The following PDE7B variants were observed in gnomAD, a reference collection of about 807,000 sequenced individuals.
PDE7B encodes the protein phosphodiesterase 7B.
Under a neutral mutation model 56.2 loss-of-function variants are expected in PDE7B, and 29 were observed. That is an observed-to-expected ratio of 0.52 (90% CI 0.38 to 0.70). The LOEUF is 0.70. Among genes scored for constraint, PDE7B ranks in the 30% least tolerant of loss-of-function variants. The pLI is 0.00. For synonymous variants in PDE7B, 197 were observed against 196.9 expected, an observed-to-expected ratio of 1.00 and a Z score of 0.00; for missense variants, 490 against 565.0, an observed-to-expected ratio of 0.87 and a Z score of 1.35.
intron 2 of PDE7B, among the ~76,000 whole-genome samples, chr6:135,949,362 T>G (rs1023673335): frequency 6.6e-6 from 1 of 152,084 alleles, no homozygotes; most frequent in African/African-American, 2.4e-5. Flanking sequence ...TAAAGTAAGA[T>G]CAATTATCTT....
At chr6:136,009,609 C>A (rs992153100) in intron 2 of PDE7B, among the ~76,000 whole-genome samples, 2 of 152,104 alleles carry the variant, frequency 1.3e-5, no homozygotes, top group East Asian at 1.9e-4. Context: ...TGTGAATGGG[C>A]ATTCACTCAT....
At chr6:135,855,165 C>T (rs1001776997) in intron 1 of PDE7B, among the ~76,000 whole-genome samples, 6 of 152,134 alleles carry the variant, frequency 3.9e-5, no homozygotes, top group Non-Finnish European at 8.8e-5. Context: ...CTCTAACATC[C>T]ATTTTAGATC....
chr6:135,934,875 A>ATTT (rs2128197619), intron 1 of PDE7B, among the ~76,000 whole-genome samples: 4 of 113,596 alleles, frequency 3.5e-5, no homozygotes, highest in African/African-American at 1.4e-4. Flanking sequence ...AAATATATAT[A>ATTT]AATATTTATT....
intron 1 of PDE7B, among the ~76,000 whole-genome samples, chr6:135,914,322 C>G (rs1776259431): frequency 6.6e-6 from 1 of 151,814 alleles, no homozygotes; most frequent in Non-Finnish European, 1.5e-5. Flanking sequence ...ACATTTCTAT[C>G]ACTTTAGAAA....
chr6:136,076,653 C>T (rs942330205), intron 2 of PDE7B, among the ~76,000 whole-genome samples: 2 of 152,246 alleles, frequency 1.3e-5, no homozygotes, highest in African/African-American at 4.8e-5. Flanking sequence ...CCACCCCACA[C>T]ATCCAATCAG....
chr6:135,897,727 G>A lies in PDE7B; in HGVS notation c.21+45708G>A, dbSNP rs181067775. Among the ~76,000 whole-genome samples the A allele has an allele frequency of 3.8e-3, 579 of 152,300 alleles. 5 individuals carry two copies. Among genetic ancestry groups the A allele is most frequent in the South Asian group, 9.3e-3 (45 of 4,822 alleles). ...CAATTTAGGCACTAAATTTAGTAAT[G>A]CTTCCTGACAAATAAAACAAAGTCA... On this transcript the variant is annotated intron_variant, in intron 1 of 12. Transcript: ENST00000308191.
chr6:135,958,208 G>A (rs1438964305), intron 2 of PDE7B, among the ~76,000 whole-genome samples: 2 of 152,040 alleles, frequency 1.3e-5, no homozygotes, highest in African/African-American at 4.8e-5. Context: ...CTCCAGCCTG[G>A]GTGACAGAGC....
At chr6:136,046,222 A>C (rs1776504214) in intron 2 of PDE7B, 1 of 107,538 alleles carries the variant, frequency 9.3e-6, no homozygotes, top group Admixed American at 9.3e-5. Context: ...TTCAAATATA[A>C]GAAGTGTAAT....
chr6:135,933,681 G>T (rs1774333349), intron 1 of PDE7B, among the ~76,000 whole-genome samples: 2 of 152,052 alleles, frequency 1.3e-5, no homozygotes, highest in Admixed American at 1.3e-4. Context: ...AAATCTCCTA[G>T]TTTGCTAACT....
chr6:135,965,942 T>C (rs987540186), intron 2 of PDE7B, among the ~76,000 whole-genome samples: 8 of 152,168 alleles, frequency 5.3e-5, no homozygotes, highest in Non-Finnish European at 1.2e-4. Flanking sequence ...TTTAAAATAC[T>C]GGATATCTTA....
intron 1 of PDE7B, among the ~76,000 whole-genome samples, chr6:135,864,792 T>TA (rs1775220406): frequency 1.3e-5 from 2 of 152,158 alleles, no homozygotes; most frequent in Non-Finnish European, 2.9e-5. Flanking sequence ...GCCTTTCTTT[T>TA]TTTATTATTA....
chr6:135,943,254 G>T (rs62429920), intron 1 of PDE7B, among the ~76,000 whole-genome samples: 2 of 152,138 alleles, frequency 1.3e-5, no homozygotes, highest in Non-Finnish European at 2.9e-5. Context: ...ATACTGTGAT[G>T]TAGATTATAT....
rs568435553 is a variant in PDE7B at position 136,075,801 on chromosome 6, C to T, written c.83-32930C>T. ...AACAAGTCCTTACAGAACAATGCCT[C>T]AAGAGGAGGTACGGCTAGTCAAGGC... On this transcript the variant is annotated intron_variant, in intron 2 of 12. Transcript: ENST00000308191. Among the ~76,000 whole-genome samples the T allele has an allele frequency of 3.3e-5, 5 of 152,258 alleles. No individual in the cohort carries two copies. In the South Asian group the frequency reaches 1.0e-3, roughly 32 times the overall value.
At chr6:136,008,745 G>C (rs1583825872) in intron 2 of PDE7B, among the ~76,000 whole-genome samples, 1 of 152,138 alleles carries the variant, frequency 6.6e-6, no homozygotes, top group East Asian at 1.9e-4. Context: ...CCCTTTGTCA[G>C]ATGAGTAGAT....
chr6:136,155,748 A>G lies in PDE7B; in HGVS notation c.701A>G (p.Asn234Ser). The change falls in exon 8 of 13, where the codon AAC (asparagine) becomes AGC (serine). Residue 234 changes from asparagine (N) to serine (S), a missense_variant. By Grantham distance (46) the Asn-to-Ser change is conservative (BLOSUM62 1). Transcript: ENST00000308191. ...ATAAAAACTAACCACCATCTTGCAA[A>G]CCTATATCAGGTAAGGGAGCCCAAC... ...FLIKTNHHLA[N>S]LYQNMSVLEN... is the part of the protein sequence containing the mutation. 2 of 1,614,010 alleles carry G rather than the reference A, an allele frequency of 1.2e-6. No homozygotes were observed. Among genetic ancestry groups the G allele is most frequent in the Non-Finnish European group, 8.5e-7 (1 of 1,179,954 alleles).
At chr6:136,093,012 T>C (rs1035824537) in intron 2 of PDE7B, among the ~76,000 whole-genome samples, 10 of 152,212 alleles carry the variant, frequency 6.6e-5, no homozygotes, top group Non-Finnish European at 1.3e-4. Flanking sequence ...GTGGTAATCA[T>C]TTCACAAGGT....
At chr6:135,884,770 C>T (rs1373660338) in intron 1 of PDE7B, among the ~76,000 whole-genome samples, 3 of 152,134 alleles carry the variant, frequency 2.0e-5, no homozygotes, top group African/African-American at 7.2e-5. Flanking sequence ...CCTTCCACTG[C>T]TCTTTTCGTG....
chr6:136,009,109 T>C (rs2128206955), intron 2 of PDE7B, among the ~76,000 whole-genome samples: 1 of 152,264 alleles, frequency 6.6e-6, no homozygotes, highest in East Asian at 1.9e-4. Flanking sequence ...CCCCAGTTCT[T>C]GTTTTTTTCA....
chr6:135,902,133 G>A (rs141196411), intron 1 of PDE7B, among the ~76,000 whole-genome samples: 12 of 152,250 alleles, frequency 7.9e-5, no homozygotes, highest in South Asian at 2.1e-4. Flanking sequence ...TCATTTGAAC[G>A]TAAACAGAAA....
Sources: gnomAD v4.1 joint callset for allele counts (sites outside exome capture counted in the v4.1 genomes callset) on GRCh38, gnomAD v4.1.1 for gene constraint, MANE v1.5 for transcripts, NCBI Gene and HGNC (gene_info 2026-07-23, HGNC 2026-07-21) for gene names.